FHAD1: variants seen among roughly 807,000 people sequenced by gnomAD.
The protein encoded by FHAD1 is forkhead associated phosphopeptide binding domain 1.
In FHAD1, 146 loss-of-function variants were observed where a neutral mutation model predicts 191.3. The observed-to-expected ratio is 0.76, with a 90% CI of 0.67 to 0.88. The LOEUF (loss-of-function observed/expected upper bound fraction) is 0.88, where lower values mean the gene tolerates loss of function less well. FHAD1 is among the 40% of genes least tolerant of loss of function. The pLI is 0.00. For missense variants in FHAD1, 1,635 were observed against 1,785.8 expected (o/e 0.92, Z 1.52); for synonymous variants, 616 against 672.3 (o/e 0.92, Z 1.29).
rs1281838196 is a variant in FHAD1 at position 15,381,352 on chromosome 1, A to T, written c.3923A>T (p.Asp1308Val). 3.2e-6 allele frequency: 5 copies of T among 1,551,506 alleles called. No homozygotes were observed. In the Admixed American group the frequency reaches 9.8e-5, roughly 30 times the overall value. The change falls in exon 30 of 34, where the codon GAC (aspartate) becomes GTC (valine). Residue 1308 changes from aspartate (D) to valine (V), a missense_variant. By Grantham distance (152) the Asp-to-Val change is radical. Coordinates refer to ENST00000688493, the MANE Select transcript of FHAD1 (RefSeq NM_001391957.1). The surrounding 1 kb of genome is among the most constrained non-coding windows in gnomAD (Gnocchi z 4.6). The part of the protein sequence containing the change: ...REKVNQLRQR[D>V]LDLVFDKITQ... ...AAGGTCAACCAGCTTCGACAAAGGGACCTCGACCTGGTGTTTGATAAGATC... is the reference window on the plus strand; with the variant it reads ...AAGGTCAACCAGCTTCGACAAAGGGTCCTCGACCTGGTGTTTGATAAGATC...
At chr1:15,239,461 G>A (rs903924103) in intron 1 of FHAD1, among the ~76,000 whole-genome samples, 3 of 152,158 alleles carry the variant, frequency 2.0e-5, no homozygotes, top group South Asian at 2.1e-4. Context: ...GGTGGTGCAT[G>A]CCTGTGGTTC....
intron 23 of FHAD1, chr1:15,363,660 C>G (rs1223214165): frequency 4.6e-6 from 2 of 436,964 alleles, no homozygotes; most frequent in Non-Finnish European, 9.2e-6. Flanking sequence ...TGGGGCGGGG[C>G]CCTGTAAAGG....
intron 5 of FHAD1, among the ~76,000 whole-genome samples, chr1:15,299,899 C>A (rs1302176328): frequency 6.6e-6 from 1 of 152,190 alleles, no homozygotes; most frequent in East Asian, 1.9e-4. Flanking sequence ...CTCACAGGGA[C>A]CCAATGACAG....
intron 26 of FHAD1, 51 bp downstream of exon 26, chr1:15,369,553 C>T (rs1352938341): frequency 6.6e-7 from 1 of 1,526,260 alleles, no homozygotes; most frequent in Non-Finnish European, 8.8e-7. Context: ...AGACACAGCC[C>T]AGTGGTGGCT....
Position 15,329,698 on chromosome 1 carries a change from T to C in FHAD1, c.1906+157T>C. Reference sequence around the variant, plus strand: ...CTGCTTCTCTGCTTGAGGCGTAATTTTCCATTAAAAAAAAAAACACACACA... The same window carrying C: ...CTGCTTCTCTGCTTGAGGCGTAATTCTCCATTAAAAAAAAAAACACACACA... On this transcript the variant is annotated intron_variant, in intron 14 of 33. Coordinates refer to ENST00000688493, the MANE Select transcript of FHAD1 (RefSeq NM_001391957.1). The surrounding 1 kb of genome is among the most constrained non-coding windows in gnomAD (Gnocchi z 5.0). 1 of 566,362 alleles carries C rather than the reference T, an allele frequency of 1.8e-6. No homozygotes were observed. The highest frequency in any genetic ancestry group is 3.0e-6 in the Non-Finnish European group (1 of 331,822). 35.1% of individuals were successfully genotyped at this position (566,362 alleles called of 1,614,324 possible).
At chr1:15,355,880 A>G (rs565772713) in intron 20 of FHAD1, among the ~76,000 whole-genome samples, 1 of 65,494 alleles carries the variant, frequency 1.5e-5, no homozygotes, top group East Asian at 3.3e-4. Context: ...AATTTATTCA[A>G]AAAAAAGTGT....
intron 3 of FHAD1, among the ~76,000 whole-genome samples, chr1:15,277,695 A>G (rs1205539765): frequency 6.6e-6 from 1 of 152,184 alleles, no homozygotes; most frequent in Non-Finnish European, 1.5e-5. Flanking sequence ...TCGTGTGGGT[A>G]GAAATGAAAG....
chr1:15,306,503 C>T (rs1484271616), intron 6 of FHAD1, among the ~76,000 whole-genome samples: 6 of 152,210 alleles, frequency 3.9e-5, no homozygotes, highest in African/African-American at 1.4e-4. Flanking sequence ...CAGAGACCTT[C>T]ACAGCAGCCC....
At chr1:15,288,780 C>A (rs115586901) in intron 3 of FHAD1, among the ~76,000 whole-genome samples, 129 of 152,282 alleles carry the variant, frequency 8.5e-4, no homozygotes, top group African/African-American at 2.9e-3. Flanking sequence ...TCTTGCCTGG[C>A]CTGTGTCCTC....
chr1:15,272,272 C>A, intron 2 of FHAD1, 51 bp from the exon 3 acceptor site: 1 of 1,492,478 alleles, frequency 6.7e-7, no homozygotes, highest in Admixed American at 2.0e-5. Context: ...ACATTAGGGG[C>A]CGTGTCATTT....
At chr1:15,253,148 CTGTGTGTG>C (rs5772631) in intron 2 of FHAD1, among the ~76,000 whole-genome samples, 74 of 146,150 alleles carry the variant, frequency 5.1e-4, no homozygotes, top group South Asian at 1.1e-3. Flanking sequence ...GACATAAGTG[CTGTGTGTG>C]TGTGTGTGTG....
chr1:15,388,165 G>T, intron 32 of FHAD1, 34 bp downstream of exon 32: 1 of 1,240,638 alleles, frequency 8.1e-7, no homozygotes, highest in South Asian at 1.2e-5. Flanking sequence ...CAGACACAGA[G>T]TAGAGACAGT....
intron 3 of FHAD1, among the ~76,000 whole-genome samples, chr1:15,275,002 G>A (rs565839217): frequency 2.7e-4 from 41 of 150,966 alleles, no homozygotes; most frequent in African/African-American, 8.5e-4. Flanking sequence ...TCACTCTGTC[G>A]CCCAGGCTGG....
At chr1:15,300,767 G>A (rs574279882) in intron 5 of FHAD1, among the ~76,000 whole-genome samples, 223 of 152,298 alleles carry the variant, frequency 1.5e-3, no homozygotes, top group African/African-American at 5.1e-3. Context: ...AAGTGACAGA[G>A]AGCCTCAAAG....
At position 15,345,132 on chromosome 1, in the gene FHAD1, T is replaced by C. The variant is rs1688351649; in HGVS notation, c.2180T>C (p.Leu727Ser). 4.5e-6 allele frequency: 7 copies of C among 1,551,794 alleles called. No individual in the cohort carries two copies. The African/African-American group carries it at 8.2e-5, about 18-fold the overall frequency. The part of the protein sequence containing the change: ...TQERNRAKET[L>S]EEERKRMQEL... ...GAGAGAAACAGAGCGAAAGAGACTT[T>C]AGAGGAAGAACGGAAGAGAATGCAA... is the stretch of plus-strand genomic sequence containing the variant. The change falls in exon 17 of 34, where the codon TTA becomes TCA. Residue 727 changes from leucine (L) to serine (S), a missense_variant. Coordinates refer to ENST00000688493, the MANE Select transcript of FHAD1 (RefSeq NM_001391957.1).
chr1:15,252,947 C>T lies in FHAD1; in HGVS notation c.93+1070C>T, dbSNP rs547201213. Among the ~76,000 whole-genome samples the T allele has an allele frequency of 1.8e-4, 28 of 152,270 alleles. 1 individual carries two copies. The highest frequency in any genetic ancestry group is 1.4e-3 in the Admixed American group (21 of 15,290). Reference sequence around the variant, plus strand: ...GGAAAGAGAAAAAATGCCGTGGAATCTCTTTATAACTGTGAGAAGCAGATC... The same window carrying T: ...GGAAAGAGAAAAAATGCCGTGGAATTTCTTTATAACTGTGAGAAGCAGATC... On this transcript the variant is annotated intron_variant, in intron 2 of 33. Transcript: ENST00000688493.
chr1:15,347,052 A>G (rs1244169620), intron 18 of FHAD1, among the ~76,000 whole-genome samples: 1 of 152,228 alleles, frequency 6.6e-6, no homozygotes, highest in African/African-American at 2.4e-5. Context: ...CCTCTGGGCA[A>G]AGCCTGTGCC....
intron 32 of FHAD1, 187 bp from the exon 33 acceptor site, chr1:15,391,023 C>T (rs1343028688): frequency 3.6e-6 from 1 of 274,208 alleles, no homozygotes; most frequent in Admixed American, 5.1e-5. Flanking sequence ...AAGCTGTGCC[C>T]CCTTCTCGTT....
intron 28 of FHAD1, among the ~76,000 whole-genome samples, chr1:15,379,574 C>T (rs548169503): frequency 1.1e-3 from 174 of 152,306 alleles, no homozygotes; most frequent in Middle Eastern, 3.4e-3. Context: ...TTACGGGTGT[C>T]TGGCTGGGGG....
Sources: gnomAD v4.1 joint callset for allele counts (sites outside exome capture counted in the v4.1 genomes callset) on GRCh38, gnomAD v4.1.1 for gene constraint, Gnocchi (gnomAD v3.1) non-coding constraint, MANE v1.5 for transcripts, NCBI Gene and HGNC (gene_info 2026-07-23, HGNC 2026-07-21) for gene names.